Variants in TNS1 observed in about 807,000 individuals in gnomAD.
TNS1 encodes the protein tensin 1.
A neutral mutation model predicts 168.6 loss-of-function variants in TNS1; 62 were observed. That is an observed-to-expected ratio of 0.37 (90% CI 0.30 to 0.45). The LOEUF (loss-of-function observed/expected upper bound fraction) is 0.45, where lower values mean the gene tolerates loss of function less well. Among genes scored for constraint, TNS1 ranks in the 20% least tolerant of loss-of-function variants. TNS1 has a pLI of 1.00. For missense variants in TNS1, 2,240 were observed against 2,339.4 expected, an observed-to-expected ratio of 0.96 and a Z score of 0.88; for synonymous variants, 934 against 933.2, an observed-to-expected ratio of 1.00 and a Z score of -0.02.
At chr2:217,956,293 GCACCCGGC>G in intron 3 of TNS1, among the ~76,000 whole-genome samples, 1 of 152,154 alleles carries the variant, frequency 6.6e-6, no homozygotes, top group African/African-American at 2.4e-5. Flanking sequence ...ATGAGCCACC[GCACCCGGC>G]CACTCTTTGA....
At chr2:217,898,855 AG>A (rs1952614908) in intron 7 of TNS1, among the ~76,000 whole-genome samples, 1 of 152,188 alleles carries the variant, frequency 6.6e-6, no homozygotes, top group Non-Finnish European at 1.5e-5. Context: ...TTCCAGAGGA[AG>A]GGTCCAGGAT....
Position 217,813,329 on chromosome 2 carries a change from A to G in TNS1, c.4862-22T>C, listed in dbSNP as rs2125119294. On this transcript the variant is annotated intron_variant, in intron 26 of 32. Coordinates refer to ENST00000682258, the MANE Select transcript of TNS1 (RefSeq NM_001387777.1). This position sits in a 1 kb window ranked among gnomAD's most constrained non-coding sequence, Gnocchi z 4.0. Reference sequence around the variant, plus strand: ...TCTCCTGGGACAAAGAGAAAGAAATAAGGCTCAGTCCCTGCCCATGGCTTC... The same window carrying G: ...TCTCCTGGGACAAAGAGAAAGAAATGAGGCTCAGTCCCTGCCCATGGCTTC... The G allele has an allele frequency of 6.5e-7, 1 of 1,542,020 alleles. No individual in the cohort carries two copies. The highest frequency in any genetic ancestry group is 8.8e-7 in the Non-Finnish European group (1 of 1,133,208).
chr2:218,033,894 A>C lies in TNS1; in HGVS notation c.82T>G (p.Trp28Gly), dbSNP rs1196891742. Among the ~76,000 whole-genome samples, 2 of 152,110 alleles carry C rather than the reference A, an allele frequency of 1.3e-5. No individual in the cohort carries two copies. The highest frequency in any genetic ancestry group is 4.8e-5 in the African/African-American group (2 of 41,440). Residue 28 changes from tryptophan (W) to glycine (G), a missense_variant, in exon 1 of 2, where the codon TGG becomes GGG. Physicochemically the swap from Trp to Gly is radical, Grantham distance 184. Transcript: ENST00000649572. The surrounding 1 kb of genome is among the most constrained non-coding windows in gnomAD (Gnocchi z 4.3). ...CAGCACTCAGCCCGCGCCGAGACCC[A>C]GGGACTCCCCGGGGGCTGGGGACCG...
At chr2:217,845,890 G>T (rs2125409248) in intron 19 of TNS1, among the ~76,000 whole-genome samples, 1 of 152,212 alleles carries the variant, frequency 6.6e-6, no homozygotes, top group South Asian at 2.1e-4. Flanking sequence ...CCTGGATCCT[G>T]CCCCTCATTA....
At chr2:217,977,624 A>T (rs1000652294) in intron 3 of TNS1, among the ~76,000 whole-genome samples, 11 of 151,884 alleles carry the variant, frequency 7.2e-5, no homozygotes, top group Admixed American at 6.6e-5. Context: ...CTTCACATAC[A>T]TTACCTCATT....
At chr2:217,941,785 G>C (rs1956924736) in intron 3 of TNS1, among the ~76,000 whole-genome samples, 1 of 152,178 alleles carries the variant, frequency 6.6e-6, no homozygotes, top group Admixed American at 6.5e-5. Context: ...CCATCCTCCT[G>C]CTGACCCACC....
At chr2:217,866,593 C>A (rs1949296376) in intron 18 of TNS1, among the ~76,000 whole-genome samples, 1 of 152,208 alleles carries the variant, frequency 6.6e-6, no homozygotes, top group Admixed American at 6.5e-5. Context: ...TTATTTTCAT[C>A]AGTGAAATGC....
chr2:217,929,291 C>T (rs1172973292), intron 3 of TNS1, among the ~76,000 whole-genome samples: 1 of 152,206 alleles, frequency 6.6e-6, no homozygotes, highest in African/African-American at 2.4e-5. Context: ...TCAGGGGCCA[C>T]ACTCACCCAC....
At chr2:217,968,754 G>C (rs1022986790) in intron 3 of TNS1, among the ~76,000 whole-genome samples, 1 of 152,106 alleles carries the variant, frequency 6.6e-6, no homozygotes, top group African/African-American at 2.4e-5. Flanking sequence ...GAGTGCAGTG[G>C]AGCAATCTCA....
intron 30 of TNS1, among the ~76,000 whole-genome samples, chr2:217,809,413 A>ATAGG (rs1940179078): frequency 1.5e-5 from 1 of 67,738 alleles, no homozygotes; most frequent in Non-Finnish European, 2.9e-5. Flanking sequence ...GGATGGATGG[A>ATAGG]TGCATGGATG....
At chr2:217,911,446 G>A (rs887330524) in intron 4 of TNS1, among the ~76,000 whole-genome samples, 18 of 152,196 alleles carry the variant, frequency 1.2e-4, no homozygotes, top group African/African-American at 4.3e-4. Context: ...ATAATCCTGA[G>A]AGTGATGACT....
At chr2:217,936,893 C>A in intron 3 of TNS1, 1 of 454,990 alleles carries the variant, frequency 2.2e-6, no homozygotes, top group Non-Finnish European at 4.4e-6. Flanking sequence ...AATATGAATC[C>A]TATTTTACAG....
chr2:218,023,047 T>C (rs1958822620), intron 1 of TNS1, among the ~76,000 whole-genome samples: 1 of 152,158 alleles, frequency 6.6e-6, no homozygotes, highest in Non-Finnish European at 1.5e-5. Context: ...AAGGGCCAGG[T>C]GCCTTCAGGC....
chr2:218,030,714 T>G (rs1958884894), intron 1 of TNS1, among the ~76,000 whole-genome samples: 1 of 152,238 alleles, frequency 6.6e-6, no homozygotes, highest in Admixed American at 6.5e-5. Context: ...TAGTGTGACC[T>G]TGGGCAAGTC....
chr2:217,895,545 C>T (rs1559318921), intron 8 of TNS1, among the ~76,000 whole-genome samples: 1 of 152,218 alleles, frequency 6.6e-6, no homozygotes, highest in Non-Finnish European at 1.5e-5. Flanking sequence ...AGTTGGCAAT[C>T]TCTGGTTTCC....
intron 3 of TNS1, among the ~76,000 whole-genome samples, chr2:217,962,738 A>T (rs1261693128): frequency 6.6e-6 from 1 of 152,132 alleles, no homozygotes; most frequent in Non-Finnish European, 1.5e-5. Context: ...ACTAACCAGC[A>T]CTCTCCAAAA....
chr2:217,936,230 C>T (rs11894803), intron 3 of TNS1, among the ~76,000 whole-genome samples: 40,599 of 151,964 alleles, frequency 0.27, 7,684 homozygotes, highest in African/African-American at 0.53. Context: ...CAGTAAGGGG[C>T]TACTGTGTTC....
intron 1 of TNS1, among the ~76,000 whole-genome samples, chr2:218,009,894 C>T (rs1041268376): frequency 6.6e-6 from 1 of 152,226 alleles, no homozygotes; most frequent in Non-Finnish European, 1.5e-5. Flanking sequence ...AACTCCCCTT[C>T]CCGGATCCCA....
chr2:217,818,507 G>A lies in TNS1; in HGVS notation c.3825C>T (p.Val1275=). 1.2e-6 allele frequency: 2 copies of A among 1,614,238 alleles called. No homozygotes were observed. The highest frequency in any genetic ancestry group is 1.7e-6 in the Non-Finnish European group (2 of 1,180,050). The change falls in exon 24 of 33, where the codon GTC becomes GTT. Residue 1275 remains valine, a synonymous_variant. Transcript: ENST00000682258. ...CCTGAGGGCTCCCAGGCACCGTGTG[G>A]ACGCCAGCCACACTGAACTGAGCTC... is the stretch of plus-strand genomic sequence containing the variant. The part of the protein sequence containing the change: ...QARAQFSVAG[V]HTVPGSPQAR...
Sources: gnomAD v4.1 joint callset for allele counts (sites outside exome capture counted in the v4.1 genomes callset) on GRCh38, gnomAD v4.1.1 for gene constraint, Gnocchi (gnomAD v3.1) non-coding constraint, MANE v1.5 for transcripts, NCBI Gene and HGNC (gene_info 2026-07-23, HGNC 2026-07-21) for gene names.